Variants in SLC24A4 observed in about 807,000 individuals in gnomAD.
SLC24A4 encodes sodium/potassium/calcium exchanger 4.
A neutral mutation model predicts 79.0 loss-of-function variants in SLC24A4; 53 were observed. That is an observed-to-expected ratio of 0.67 (90% CI 0.54 to 0.84). The LOEUF is 0.84. Ranked by LOEUF, SLC24A4 falls within the 40% of genes least tolerant of loss-of-function variation. The probability of loss-of-function intolerance (pLI) is 0.00; values close to 1 mark genes in which losing one functional copy is unlikely to be tolerated. For missense variants in SLC24A4, 731 were observed against 822.0 expected, an observed-to-expected ratio of 0.89 and a Z score of 1.35; for synonymous variants, 323 against 323.8, an observed-to-expected ratio of 1.00 and a Z score of 0.03.
intron 2 of SLC24A4, among the ~76,000 whole-genome samples, chr14:92,420,332 T>C (rs1355391924): frequency 6.6e-6 from 1 of 152,034 alleles, no homozygotes; most frequent in East Asian, 1.9e-4. Flanking sequence ...ATACAAAAAT[T>C]AGCCGGGCAC....
At chr14:92,324,178 G>A (rs1012657291) in intron 1 of SLC24A4, among the ~76,000 whole-genome samples, 2 of 152,228 alleles carry the variant, frequency 1.3e-5, no homozygotes, top group Non-Finnish European at 2.9e-5. Context: ...CGGCCCCTGG[G>A]GGGGCTCAGG....
chr14:92,422,276 T>G (rs1891330007), intron 2 of SLC24A4, among the ~76,000 whole-genome samples: 2 of 152,232 alleles, frequency 1.3e-5, no homozygotes, highest in Admixed American at 6.5e-5. Flanking sequence ...GTCAGTGGCT[T>G]CCAGTGCCTC....
At chr14:92,486,953 G>A (rs1181740218) in intron 14 of SLC24A4, among the ~76,000 whole-genome samples, 173 bp downstream of exon 14, 1 of 152,194 alleles carries the variant, frequency 6.6e-6, no homozygotes, top group Non-Finnish European at 1.5e-5. Flanking sequence ...TCCATCCACA[G>A]AGAGAATGCT....
At chr14:92,454,610 A>T (rs140041508) in intron 11 of SLC24A4, among the ~76,000 whole-genome samples, 1 of 152,234 alleles carries the variant, frequency 6.6e-6, no homozygotes, top group Non-Finnish European at 1.5e-5. Flanking sequence ...TCTTTGTTGC[A>T]TGTGTGCATT....
intron 2 of SLC24A4, among the ~76,000 whole-genome samples, chr14:92,361,502 GAA>G (rs571724765): frequency 6.9e-6 from 1 of 145,042 alleles, no homozygotes; most frequent in Admixed American, 6.8e-5. Context: ...AAATGGAAAG[GAA>G]AAAAAAAAAT....
In SLC24A4 at chr14:92,385,496, TA is replaced by T. The variant is rs56777130; in HGVS notation, c.242-48402del. ...TGGCGACAGAGCGAGACTCCGTCTT[TA>T]AAAAAAAAAAAAATCATGCAATGTT... On this transcript the variant is annotated intron_variant, in intron 2 of 16. Coordinates refer to ENST00000532405, the MANE Select transcript of SLC24A4 (RefSeq NM_153646.4). 4.3e-3 allele frequency among the ~76,000 whole-genome samples: 625 copies of T among 145,244 alleles called. 3 individuals are homozygous for T. Among genetic ancestry groups the T allele is most frequent in the African/African-American group, 7.6e-3 (301 of 39,738 alleles).
intron 12 of SLC24A4, among the ~76,000 whole-genome samples, chr14:92,461,186 C>G (rs1021684848): frequency 6.6e-6 from 1 of 152,140 alleles, no homozygotes; most frequent in Non-Finnish European, 1.5e-5. Flanking sequence ...CTCCCTGGCC[C>G]GCCAACAGGA....
intron 2 of SLC24A4, among the ~76,000 whole-genome samples, chr14:92,354,822 C>A (rs900922852): frequency 2.0e-5 from 3 of 152,110 alleles, no homozygotes; most frequent in Non-Finnish European, 4.4e-5. Context: ...GCCTGTAATC[C>A]CAGCACTTTG....
chr14:92,345,025 G>A (rs1566701333), intron 2 of SLC24A4, among the ~76,000 whole-genome samples: 1 of 152,314 alleles, frequency 6.6e-6, no homozygotes, highest in South Asian at 2.1e-4. Flanking sequence ...AATTGTTGAA[G>A]TGTGAAGGTA....
chr14:92,339,166 G>A (rs865937016), intron 2 of SLC24A4, among the ~76,000 whole-genome samples: 1 of 152,188 alleles, frequency 6.6e-6, no homozygotes, highest in Non-Finnish European at 1.5e-5. Context: ...ATGCGGACCC[G>A]GCCTCCGGGG....
chr14:92,484,528 A>G, intron 13 of SLC24A4: 1 of 985,432 alleles, frequency 1.0e-6, no homozygotes, highest in Non-Finnish European at 1.2e-6. Flanking sequence ...AAAGAAGCTC[A>G]GGATGGACTC....
At chr14:92,383,010 T>A (rs1888941076) in intron 2 of SLC24A4, among the ~76,000 whole-genome samples, 1 of 152,190 alleles carries the variant, frequency 6.6e-6, no homozygotes, top group Non-Finnish European at 1.5e-5. Context: ...CAGCTTCAGT[T>A]CCTGATGCCC....
chr14:92,456,406 G>T lies in SLC24A4; in HGVS notation c.1053G>T (p.Arg351=), dbSNP rs965394100. 2 of 1,614,098 alleles carry T rather than the reference G, an allele frequency of 1.2e-6. No homozygotes were observed. Among genetic ancestry groups the T allele is most frequent in the African/African-American group, 2.7e-5 (2 of 74,946 alleles). The stretch of plus-strand genomic sequence containing the variant: ...CATGTTGCCTCCTGTCCACACAGCG[G>T]CAGAGACTGATCAACTCGGCCAATG... ...RMASRIIINE[R]QRLINSANGV... The change falls in exon 12 of 17, where the codon CGG becomes CGT. Residue 351 remains arginine (R), a splice_region_variant and synonymous_variant. Transcript: ENST00000532405.
Position 92,449,215 on chromosome 14 carries a change from A to G in SLC24A4, c.879A>G (p.Gln293=), listed in dbSNP as rs146336072. The G allele has an allele frequency of 9.0e-5, 146 of 1,613,708 alleles. No homozygotes were observed. The highest frequency in any genetic ancestry group is 1.2e-4 in the Non-Finnish European group (144 of 1,179,880). ...ACCCTTCCGTGCCATTGCTGGGGCAAGGTAAGGCTGAGCAGACAGGAGTGG... is the reference window on the plus strand; with the variant it reads ...ACCCTTCCGTGCCATTGCTGGGGCAGGGTAAGGCTGAGCAGACAGGAGTGG... ...YDDPSVPLLG[Q]VKEKPQYGKN... Residue 293 remains glutamine, a splice_region_variant and synonymous_variant, in exon 10 of 17, where the codon CAA becomes CAG. Coordinates refer to ENST00000532405, the MANE Select transcript of SLC24A4 (RefSeq NM_153646.4).
chr14:92,465,986 C>A (rs916055829), intron 12 of SLC24A4, among the ~76,000 whole-genome samples: 2 of 152,184 alleles, frequency 1.3e-5, no homozygotes, highest in African/African-American at 4.8e-5. Flanking sequence ...CAGGTCTTGA[C>A]CTCTTCTGCT....
intron 2 of SLC24A4, among the ~76,000 whole-genome samples, chr14:92,328,448 C>T (rs1304803036): frequency 6.6e-6 from 1 of 152,252 alleles, no homozygotes; most frequent in Non-Finnish European, 1.5e-5. Context: ...GGAGGATGCG[C>T]TGGCCCGGTG....
Position 92,496,185 on chromosome 14 carries a change from T to A in SLC24A4, c.*2557T>A, listed in dbSNP as rs1895914861. Reference sequence around the variant, plus strand: ...AATATGCTCCTCTTGGCTAATTTTCTTTTGACTTTAATGTGCCAATGTAAC... The same window carrying A: ...AATATGCTCCTCTTGGCTAATTTTCATTTGACTTTAATGTGCCAATGTAAC... On this transcript the variant is annotated 3_prime_UTR_variant, in exon 17 of 17. Coordinates refer to ENST00000532405, the MANE Select transcript of SLC24A4 (RefSeq NM_153646.4). 1 of 152,684 alleles carries A rather than the reference T, an allele frequency of 6.5e-6. No homozygotes were observed. Among genetic ancestry groups the A allele is most frequent in the Non-Finnish European group, 1.5e-5 (1 of 68,044 alleles). The allele number at this position is 152,684 out of a possible 1,614,324, so 9.5% of individuals were successfully genotyped here.
chr14:92,395,432 AACACACACACAC>A (rs60360408), intron 2 of SLC24A4, among the ~76,000 whole-genome samples: 44 of 144,916 alleles, frequency 3.0e-4, no homozygotes, highest in African/African-American at 6.8e-4. Flanking sequence ...AACAAAACAA[AACACACACACAC>A]ACACACACAC....
chr14:92,392,993 T>G (rs1411148970), intron 2 of SLC24A4, among the ~76,000 whole-genome samples: 3 of 152,028 alleles, frequency 2.0e-5, no homozygotes, highest in Non-Finnish European at 4.4e-5. Context: ...CTGTGTGAGG[T>G]CACGTGGGAG....
Sources: allele counts gnomAD v4.1 joint callset (sites outside exome capture counted in the v4.1 genomes callset), GRCh38; gene constraint gnomAD v4.1.1; transcripts MANE v1.5; gene names NCBI Gene and HGNC (gene_info 2026-07-23, HGNC 2026-07-21).